Variants in DNAH11 observed in about 807,000 individuals in gnomAD.
DNAH11 encodes the protein axonemal beta dynein heavy chain 11.
DNAH11 carries 442 observed loss-of-function variants against 526.0 expected under a neutral mutation model. The observed-to-expected ratio is 0.84, with a 90% CI of 0.78 to 0.91. The LOEUF (loss-of-function observed/expected upper bound fraction) is 0.91, where lower values mean the gene tolerates loss of function less well. Ranked by LOEUF, DNAH11 falls within the 40% of genes least tolerant of loss-of-function variation. The probability of loss-of-function intolerance (pLI) is 0.00; values close to 1 mark genes in which losing one functional copy is unlikely to be tolerated. For synonymous variants in DNAH11, 2,461 were observed against 1,935.9 expected (o/e 1.27, Z -7.12); for missense variants, 6,989 against 5,448.7 (o/e 1.28, Z -8.90).
intron 28 of DNAH11, among the ~76,000 whole-genome samples, chr7:21,654,085 T>C (rs1781903731): frequency 1.3e-5 from 2 of 152,216 alleles, no homozygotes; most frequent in Non-Finnish European, 1.5e-5. Flanking sequence ...TATTTATTTT[T>C]TTCTGTTGAG....
At position 21,744,672 on chromosome 7, in the gene DNAH11, G is replaced by A. The variant is rs1225815777; in HGVS notation, c.8316+73G>A. On this transcript the variant is annotated intron_variant, in intron 50 of 81. Transcript: ENST00000409508. The stretch of plus-strand genomic sequence containing the variant: ...GGTATTGGGACTAAAGTTAGATGAG[G>A]GTATGAGAGAAGTGCACAAGGGCTT... 7 of 1,571,416 alleles carry A rather than the reference G, an allele frequency of 4.5e-6. No homozygotes were observed. The East Asian group carries it at 1.3e-4, about 30-fold the overall frequency.
intron 6 of DNAH11, among the ~76,000 whole-genome samples, chr7:21,565,330 C>G (rs1190938128): frequency 6.6e-6 from 1 of 152,136 alleles, no homozygotes; most frequent in Non-Finnish European, 1.5e-5. Flanking sequence ...ATCACAGTTA[C>G]CTCCTAAAGA....
chr7:21,671,723 A>C (rs1430885912), intron 30 of DNAH11, among the ~76,000 whole-genome samples: 1 of 151,898 alleles, frequency 6.6e-6, no homozygotes, highest in East Asian at 1.9e-4. Flanking sequence ...CTCTTTTTCA[A>C]GTTTCTTACA....
chr7:21,816,458 A>G lies in DNAH11; in HGVS notation c.10333-9A>G. 3.1e-6 allele frequency: 5 copies of G among 1,588,598 alleles called. No homozygotes were observed. Among genetic ancestry groups the G allele is most frequent in the Non-Finnish European group, 4.3e-6 (5 of 1,167,090 alleles). ...GACCAATTTGTTGCATTCAACTCTG[A>G]TTTTAAAGGTTTCCATTCCACTAAC... On this transcript the variant is annotated splice_polypyrimidine_tract_variant and intron_variant, in intron 63 of 81. Coordinates refer to ENST00000409508, the MANE Select transcript of DNAH11 (RefSeq NM_001277115.2).
At chr7:21,807,579 CT>C (rs1789322197) in intron 62 of DNAH11, among the ~76,000 whole-genome samples, 1 of 152,160 alleles carries the variant, frequency 6.6e-6, no homozygotes, top group African/African-American at 2.4e-5. Flanking sequence ...AGGGGAGAGA[CT>C]GTCAGCCTTT....
intron 45 of DNAH11, among the ~76,000 whole-genome samples, chr7:21,731,874 C>T (rs956512821): frequency 2.6e-5 from 4 of 152,140 alleles, no homozygotes; most frequent in Admixed American, 2.6e-4. Context: ...CCTTATTTTA[C>T]ATAATAATGA....
At chr7:21,751,604 G>A (rs2128493437) in intron 54 of DNAH11, among the ~76,000 whole-genome samples, 1 of 152,248 alleles carries the variant, frequency 6.6e-6, no homozygotes, top group African/African-American at 2.4e-5. Flanking sequence ...CAAGTTAGTG[G>A]CAGGCTGCGG....
chr7:21,819,908 T>C (rs752957938), intron 65 of DNAH11, among the ~76,000 whole-genome samples: 69 of 152,336 alleles, frequency 4.5e-4, no homozygotes, highest in Admixed American at 2.6e-4. Flanking sequence ...CCTTGATGAA[T>C]TGATCATATC....
intron 81 of DNAH11, among the ~76,000 whole-genome samples, chr7:21,900,666 T>C (rs1229205380): frequency 3.3e-5 from 5 of 152,184 alleles, no homozygotes; most frequent in Admixed American, 1.3e-4. Flanking sequence ...TGTAAAAGAA[T>C]AAGGTGCGAC....
intron 79 of DNAH11, among the ~76,000 whole-genome samples, chr7:21,898,469 T>C (rs1264271599): frequency 6.6e-6 from 1 of 152,182 alleles, no homozygotes; most frequent in Non-Finnish European, 1.5e-5. Flanking sequence ...CCCACTTCCT[T>C]TGCATATCTG....
intron 29 of DNAH11, among the ~76,000 whole-genome samples, chr7:21,656,310 T>C (rs1782014097): frequency 6.6e-6 from 1 of 152,150 alleles, no homozygotes; most frequent in Admixed American, 6.5e-5. Flanking sequence ...CAAAGAGTAT[T>C]CTGTTTTCAC....
chr7:21,666,285 G>A (rs1782418455), intron 30 of DNAH11, among the ~76,000 whole-genome samples: 1 of 152,044 alleles, frequency 6.6e-6, no homozygotes. Flanking sequence ...AAAGTGGCAA[G>A]TATGATAAAT....
chr7:21,666,448 A>G (rs774779797), intron 30 of DNAH11, among the ~76,000 whole-genome samples: 14 of 152,128 alleles, frequency 9.2e-5, no homozygotes, highest in Admixed American at 2.0e-4. Flanking sequence ...TAAAAAATTA[A>G]TATCTGTAGT....
intron 68 of DNAH11, among the ~76,000 whole-genome samples, chr7:21,860,561 TGAATA>T (rs1783022507): frequency 6.6e-6 from 1 of 152,228 alleles, no homozygotes. Context: ...CGTCAGTGGA[TGAATA>T]GATGAATCAA....
At chr7:21,782,923 GAA>G (rs1447798309) in intron 57 of DNAH11, among the ~76,000 whole-genome samples, 1 of 39,734 alleles carries the variant, frequency 2.5e-5, no homozygotes, top group Non-Finnish European at 6.2e-5. Context: ...AAAAAAAAAA[GAA>G]AGAAAGAAAG....
chr7:21,677,770 C>T (rs1562485533), intron 30 of DNAH11, among the ~76,000 whole-genome samples: 1 of 152,144 alleles, frequency 6.6e-6, no homozygotes, highest in Non-Finnish European at 1.5e-5. Context: ...TTATTATAGC[C>T]AGTGTAATGG....
Position 21,784,337 on chromosome 7 carries a change from A to T in DNAH11, c.9484-90A>T, listed in dbSNP as rs1788080338. 8 of 927,472 alleles carry T rather than the reference A, an allele frequency of 8.6e-6. No individual in the cohort carries two copies. The South Asian group carries it at 1.0e-4, about 12-fold the overall frequency. The allele number at this position is 927,472 out of a possible 1,614,324, so 57.5% of individuals were successfully genotyped here. On this transcript the variant is annotated intron_variant, in intron 57 of 81. Transcript: ENST00000409508. Reference sequence around the variant, plus strand: ...CAAAGTACAGAGAAATGAATTATTTAACAGTGCATCTGAGTCAACCTCCAT... The same window carrying T: ...CAAAGTACAGAGAAATGAATTATTTTACAGTGCATCTGAGTCAACCTCCAT...
chr7:21,857,870 GC>G (rs1782913114), intron 68 of DNAH11, among the ~76,000 whole-genome samples: 1 of 152,052 alleles, frequency 6.6e-6, no homozygotes, highest in South Asian at 2.1e-4. Flanking sequence ...ATAAGAGAGG[GC>G]TTTGGGTTAG....
At chr7:21,793,919 T>C (rs1043685301) in intron 61 of DNAH11, among the ~76,000 whole-genome samples, 4 of 152,218 alleles carry the variant, frequency 2.6e-5, no homozygotes, top group Non-Finnish European at 5.9e-5. Context: ...ATGTGCTCTT[T>C]TGAGGTCATT....
Sources: gnomAD v4.1 joint callset for allele counts (sites outside exome capture counted in the v4.1 genomes callset) on GRCh38, gnomAD v4.1.1 for gene constraint, MANE v1.5 for transcripts, NCBI Gene and HGNC (gene_info 2026-07-23, HGNC 2026-07-21) for gene names.